The following STK24 variants were observed in gnomAD, a reference collection of about 807,000 sequenced individuals.
The protein encoded by STK24 is serine/threonine kinase 24, also known as serine/threonine-protein kinase 24.
In STK24, 21 loss-of-function variants were observed where a neutral mutation model predicts 55.6. The ratio of observed to expected loss-of-function variants is 0.38; its 90% CI spans 0.27 to 0.54. The LOEUF (loss-of-function observed/expected upper bound fraction) is 0.54. Among genes scored for constraint, STK24 ranks in the 20% least tolerant of loss-of-function variants. The probability of loss-of-function intolerance (pLI) is 0.79; values close to 1 mark genes in which losing one functional copy is unlikely to be tolerated. For missense variants in STK24, 383 were observed against 538.4 expected, an observed-to-expected ratio of 0.71 and a Z score of 2.86; for synonymous variants, 200 against 215.2, an observed-to-expected ratio of 0.93 and a Z score of 0.62.
intron 1 of STK24, among the ~76,000 whole-genome samples, chr13:98,525,123 A>G (rs1397460886): frequency 6.6e-6 from 1 of 152,264 alleles, no homozygotes; most frequent in Non-Finnish European, 1.5e-5. Context: ...CAGAAGAAAA[A>G]TCAATGCCAA....
At chr13:98,522,460 C>T (rs1438588965) in intron 1 of STK24, among the ~76,000 whole-genome samples, 2 of 152,318 alleles carry the variant, frequency 1.3e-5, no homozygotes, top group Non-Finnish European at 1.5e-5. Flanking sequence ...GGATTCTGAT[C>T]AATTGCCACC....
intron 2 of STK24, among the ~76,000 whole-genome samples, chr13:98,484,790 G>C (rs1273612565): frequency 6.6e-6 from 1 of 152,154 alleles, no homozygotes; most frequent in African/African-American, 2.4e-5. Flanking sequence ...AACATCCAGA[G>C]CTCTCTACCC....
intron 1 of STK24, among the ~76,000 whole-genome samples, chr13:98,548,284 T>C (rs1356255692): frequency 6.6e-6 from 1 of 152,320 alleles, no homozygotes; most frequent in Non-Finnish European, 1.5e-5. Flanking sequence ...AAGTTTTTTT[T>C]AAAACTGGAC....
At chr13:98,471,974 AG>A (rs1377025499) in intron 5 of STK24, among the ~76,000 whole-genome samples, 1 of 152,196 alleles carries the variant, frequency 6.6e-6, no homozygotes, top group African/African-American at 2.4e-5. Flanking sequence ...GAGAGAATGG[AG>A]GGAAAGCTGG....
Position 98,474,831 on chromosome 13 carries a change from T to C in STK24, c.587A>G (p.Tyr196Cys), listed in dbSNP as rs774330452. 9 of 1,611,964 alleles carry C rather than the reference T, an allele frequency of 5.6e-6. No homozygotes were observed. Among genetic ancestry groups the C allele is most frequent in the South Asian group, 2.2e-5 (2 of 90,802 alleles). Residue 196 changes from tyrosine to cysteine, a missense_variant, in exon 5 of 11, where the codon TAT becomes TGT. Coordinates refer to ENST00000539966, the MANE Select transcript of STK24 (RefSeq NM_001032296.4). ...TCACCCTCCCCTCACCTTCGAGTCA[T>C]AGGCCGACTGTTTGATGACCTCGGG... ...MAPEVIKQSA[Y>C]DSKADIWSLG...
intron 1 of STK24, among the ~76,000 whole-genome samples, chr13:98,548,861 C>CAAAAAAAAAA (rs55793722): frequency 1.1e-4 from 4 of 37,800 alleles, no homozygotes; most frequent in African/African-American, 3.6e-4. Flanking sequence ...GACTCTGTCT[C>CAAAAAAAAAA]AAAAAAAAAA....
intron 2 of STK24, among the ~76,000 whole-genome samples, chr13:98,485,345 C>T (rs754978886): frequency 6.6e-6 from 1 of 152,130 alleles, no homozygotes; most frequent in Non-Finnish European, 1.5e-5. Flanking sequence ...GATGAAATCA[C>T]GGGGAATCAA....
chr13:98,474,751 G>C, intron 5 of STK24, 70 bp downstream of exon 5: 1 of 1,520,020 alleles, frequency 6.6e-7, no homozygotes, highest in Non-Finnish European at 8.8e-7. Flanking sequence ...AAAGCTACCA[G>C]GCTAAAGAAC....
chr13:98,545,450 C>T (rs1383411154), intron 1 of STK24, among the ~76,000 whole-genome samples: 2 of 151,928 alleles, frequency 1.3e-5, no homozygotes, highest in African/African-American at 2.4e-5. Context: ...ATCCAGATCA[C>T]GGTGAAACCC....
chr13:98,540,235 C>A (rs970660026), intron 1 of STK24, among the ~76,000 whole-genome samples: 1 of 152,136 alleles, frequency 6.6e-6, no homozygotes, highest in Non-Finnish European at 1.5e-5. Flanking sequence ...CTGTGAATGA[C>A]GATGAGGAAT....
At position 98,543,563 on chromosome 13, in the gene STK24, C is replaced by T. The variant is rs183137620; in HGVS notation, c.43-24090G>A. On this transcript the variant is annotated intron_variant, in intron 1 of 10. Transcript: ENST00000539966. The stretch of plus-strand genomic sequence containing the variant: ...AAGCAGCAGGTGAGGCCAGGGTGGG[C>T]GCGGACCCGAAGACGCGGGTCTGAT... Among the ~76,000 whole-genome samples, 97 of 152,232 alleles carry T rather than the reference C, an allele frequency of 6.4e-4. No homozygotes were observed. In the South Asian group the frequency reaches 0.011, roughly 17 times the overall value.
Position 98,446,558 on chromosome 13 carries a change from G to A in STK24, c.*6615C>T, listed in dbSNP as rs2139173779. 2 of 1,173,640 alleles carry A rather than the reference G, an allele frequency of 1.7e-6. No individual in the cohort carries two copies. The highest frequency in any genetic ancestry group is 2.3e-5 in the East Asian group (1 of 42,774). 72.7% of individuals were successfully genotyped at this position (1,173,640 alleles called of 1,614,324 possible). A position where few individuals can be genotyped will look rare whatever the true frequency, so the allele number is the denominator to read the frequency against. ...GGTCCCTTCCAGGCCCACGCCCGAG[G>A]AGGGAGCTGCCTGGGCTCCCAAGTC... On this transcript the variant is annotated 3_prime_UTR_variant, in exon 11 of 11. Coordinates refer to ENST00000539966, the MANE Select transcript of STK24 (RefSeq NM_001032296.4).
At position 98,549,729 on chromosome 13, in the gene STK24, C is replaced by A. The variant is rs11839043; in HGVS notation, c.42+27016G>T. Among the ~76,000 whole-genome samples the A allele has an allele frequency of 3.8e-3, 581 of 152,332 alleles. 4 individuals are homozygous for A. The highest frequency in any genetic ancestry group is 0.013 in the African/African-American group (535 of 41,564). ...TACAGCCTGCAGAACCATAAGCCAA[C>A]TAAACCTCTTTCCTTTATAAATTGC... On this transcript the variant is annotated intron_variant, in intron 1 of 10. Coordinates refer to ENST00000539966, the MANE Select transcript of STK24 (RefSeq NM_001032296.4).
chr13:98,479,820 G>A (rs1894518279), intron 3 of STK24, among the ~76,000 whole-genome samples: 1 of 152,206 alleles, frequency 6.6e-6, no homozygotes, highest in South Asian at 2.1e-4. Flanking sequence ...CCCTTCCCAA[G>A]AAAGTGTGGC....
intron 10 of STK24, 73 bp downstream of exon 10, chr13:98,457,095 A>G (rs1893492992): frequency 1.9e-6 from 3 of 1,554,384 alleles, no homozygotes; most frequent in African/African-American, 1.4e-5. Flanking sequence ...ATCAAGTACC[A>G]AACTCATCAA....
intron 1 of STK24, among the ~76,000 whole-genome samples, chr13:98,538,511 C>T (rs1384157534): frequency 6.6e-6 from 1 of 152,088 alleles, no homozygotes; most frequent in Non-Finnish European, 1.5e-5. Flanking sequence ...AGGCATGAGC[C>T]ACCGCGGCTT....
At chr13:98,516,435 T>C (rs1361751551) in intron 2 of STK24, among the ~76,000 whole-genome samples, 1 of 152,208 alleles carries the variant, frequency 6.6e-6, no homozygotes, top group African/African-American at 2.4e-5. Flanking sequence ...TTCCACTTCC[T>C]ACAGAGATGA....
chr13:98,482,016 G>T (rs1402232087), intron 3 of STK24, among the ~76,000 whole-genome samples: 6 of 151,052 alleles, frequency 4.0e-5, no homozygotes, highest in African/African-American at 1.2e-4. Context: ...GCAGTGAGCT[G>T]AGATTGCGCC....
At chr13:98,453,759 TAAGTA>T (rs1371877490) in intron 10 of STK24, 2 of 152,406 alleles carry the variant, frequency 1.3e-5, no homozygotes, top group South Asian at 2.1e-4. Context: ...CAGAATCAGT[TAAGTA>T]AATTATACAA....
Sources: gnomAD v4.1 joint callset for allele counts (sites outside exome capture counted in the v4.1 genomes callset) on GRCh38, gnomAD v4.1.1 for gene constraint, MANE v1.5 for transcripts, NCBI Gene and HGNC (gene_info 2026-07-23, HGNC 2026-07-21) for gene names.